Variants in FRMD6 observed in about 807,000 individuals in gnomAD.
FRMD6 encodes FERM domain containing 6.
A neutral mutation model predicts 73.2 loss-of-function variants in FRMD6; 37 were observed. The observed-to-expected ratio is 0.51, with a 90% confidence interval of 0.39 to 0.66. The LOEUF (loss-of-function observed/expected upper bound fraction) is 0.66. Ranked by LOEUF, FRMD6 falls within the 30% of genes least tolerant of loss-of-function variation. The pLI is 0.00. For synonymous variants in FRMD6, 273 were observed against 282.2 expected, an observed-to-expected ratio of 0.97 and a Z score of 0.33; for missense variants, 714 against 780.5, an observed-to-expected ratio of 0.91 and a Z score of 1.02.
At chr14:51,657,735 G>A (rs939052461) in intron 1 of FRMD6, among the ~76,000 whole-genome samples, 2 of 152,180 alleles carry the variant, frequency 1.3e-5, no homozygotes, top group Non-Finnish European at 2.9e-5. Context: ...TTAGAGGTAA[G>A]ATGTGAGAGG....
Position 51,727,988 on chromosome 14 carries a change from C to T in FRMD6, c.1828C>T (p.Leu610=), listed in dbSNP as rs1020337245. 9.9e-6 allele frequency: 16 copies of T among 1,612,602 alleles called. No homozygotes were observed. In the Admixed American group the frequency reaches 1.0e-4, roughly 10 times the overall value. ...CAAAAGAACCAGCAAATACTTTTCT[C>T]TGGATCTCACTCATGATGAAGTTCC... ...PVKRTSKYFS[L]DLTHDEVPEF... The change falls in exon 14 of 14, where the codon CTG becomes TTG. Residue 610 remains leucine, a synonymous_variant. Transcript: ENST00000344768.
intron 1 of FRMD6, among the ~76,000 whole-genome samples, chr14:51,515,443 CTG>C (rs1406102887): frequency 6.6e-6 from 1 of 152,220 alleles, no homozygotes; most frequent in Non-Finnish European, 1.5e-5. Flanking sequence ...TGGCTGGACT[CTG>C]TGTATATATT....
chr14:51,667,529 C>T lies in FRMD6; in HGVS notation c.-147+15533C>T, dbSNP rs369459967. 4.1e-3 allele frequency among the ~76,000 whole-genome samples: 619 copies of T among 152,112 alleles called. 5 individuals carry two copies. Among genetic ancestry groups the T allele is most frequent in the Middle Eastern group, 6.8e-3 (2 of 292 alleles). ...AAGAAAATAGAATTCTATACTTAAC[C>T]CATCTAAATATAGTGGTAAAGTTAA... On this transcript the variant is annotated intron_variant, in intron 1 of 13. Transcript: ENST00000344768.
chr14:51,648,949 A>C (rs1418896035), upstream of FRMD6, among the ~76,000 whole-genome samples: 1 of 152,254 alleles, frequency 6.6e-6, no homozygotes, highest in African/African-American at 2.4e-5. Flanking sequence ...TATTTAGAAA[A>C]ACATCTCATC....
the FRMD6 span, among the ~76,000 whole-genome samples, chr14:51,458,214 A>C: frequency 6.6e-6 from 1 of 152,344 alleles, no homozygotes; most frequent in African/African-American, 2.4e-5. Context: ...ACGAGAGATC[A>C]ATACCAGTTA....
intron 2 of FRMD6, among the ~76,000 whole-genome samples, chr14:51,620,634 T>C (rs1032306212): frequency 6.6e-6 from 1 of 152,200 alleles, no homozygotes; most frequent in Non-Finnish European, 1.5e-5. Flanking sequence ...GAATGTCACC[T>C]TTCCCAAGAA....
intron 1 of FRMD6, among the ~76,000 whole-genome samples, chr14:51,522,622 G>A (rs1885012995): frequency 6.6e-6 from 1 of 152,116 alleles, no homozygotes; most frequent in Non-Finnish European, 1.5e-5. Flanking sequence ...CTGCACCTCA[G>A]CATCATAAAA....
chr14:51,459,295 T>C, the FRMD6 span, among the ~76,000 whole-genome samples: 1 of 152,354 alleles, frequency 6.6e-6, no homozygotes, highest in South Asian at 2.1e-4. Context: ...CTGTAGGCCC[T>C]GGAATCCAAT....
At chr14:51,459,073 C>T in the FRMD6 span, among the ~76,000 whole-genome samples, 4 of 152,330 alleles carry the variant, frequency 2.6e-5, no homozygotes, top group Non-Finnish European at 5.9e-5. Flanking sequence ...AAGTGCTGAA[C>T]GGTGCTAGCA....
At chr14:51,459,272 G>A in the FRMD6 span, among the ~76,000 whole-genome samples, 2 of 152,166 alleles carry the variant, frequency 1.3e-5, no homozygotes, top group Non-Finnish European at 1.5e-5. Context: ...GACCATTGGT[G>A]TCTCTGAAAT....
intron 1 of FRMD6, chr14:51,554,559 GCAT>G (rs1887021556): frequency 6.6e-6 from 1 of 152,142 alleles, no homozygotes; most frequent in South Asian, 2.1e-4. Context: ...GATGAAAATG[GCAT>G]CTGTGGAATC....
chr14:51,709,716 T>A (rs1594768648), intron 7 of FRMD6, among the ~76,000 whole-genome samples: 1 of 152,286 alleles, frequency 6.6e-6, no homozygotes, highest in Non-Finnish European at 1.5e-5. Flanking sequence ...GACACCTCAA[T>A]TGACACAAGA....
chr14:51,694,804 A>T (rs1470373361), intron 2 of FRMD6, among the ~76,000 whole-genome samples: 1 of 152,228 alleles, frequency 6.6e-6, no homozygotes, highest in Non-Finnish European at 1.5e-5. Flanking sequence ...CTGAAGATTA[A>T]AGAACTTGAG....
chr14:51,608,633 C>A (rs1031733046), intron 2 of FRMD6, among the ~76,000 whole-genome samples: 1 of 152,120 alleles, frequency 6.6e-6, no homozygotes, highest in East Asian at 1.9e-4. Context: ...TTTATTCCCC[C>A]TAGCCTGGAT....
chr14:51,419,948 G>C, the FRMD6 span, among the ~76,000 whole-genome samples: 1 of 151,520 alleles, frequency 6.6e-6, no homozygotes, highest in African/African-American at 2.4e-5. Flanking sequence ...CGTTAGGTGT[G>C]GTCATGGGAC....
chr14:51,636,732 T>C (rs1202292742), intron 2 of FRMD6, among the ~76,000 whole-genome samples: 1 of 152,110 alleles, frequency 6.6e-6, no homozygotes, highest in Non-Finnish European at 1.5e-5. Flanking sequence ...CAAGGTAAGG[T>C]GCTTGTTTCC....
rs753977227 is a variant in FRMD6, at chr14:51,702,618, T to C, written c.371+30T>C. 7 of 1,523,286 alleles carry C rather than the reference T, an allele frequency of 4.6e-6. No homozygotes were observed. In the East Asian group the frequency reaches 9.1e-5, roughly 20 times the overall value. The allele number at this position is 1,523,286 out of a possible 1,614,324, so 94.4% of individuals were successfully genotyped here. ...GAGGACAGGGGGTGATTCTAAACGC[T>C]TTTTTTTCCCCCATAGCACTTTTTC... On this transcript the variant is annotated intron_variant, in intron 5 of 13. Coordinates refer to ENST00000344768, the MANE Select transcript of FRMD6 (RefSeq NM_001267046.2).
chr14:51,700,092 A>G (rs1489847756), intron 3 of FRMD6, among the ~76,000 whole-genome samples: 3 of 151,982 alleles, frequency 2.0e-5, no homozygotes, highest in African/African-American at 7.2e-5. Context: ...AAAGTGTAGC[A>G]AAGTGTGCAC....
In FRMD6 at chr14:51,729,104, C is replaced by A. The variant is rs967197258; in HGVS notation, c.*1075C>A. 2.6e-5 allele frequency: 4 copies of A among 152,184 alleles called. No individual in the cohort carries two copies. The East Asian group carries it at 7.7e-4, about 29-fold the overall frequency. The allele number at this position is 152,184 out of a possible 1,614,324, so 9.4% of individuals were successfully genotyped here. ...ATGTAGAGTTCAGAATGACTGTTTT[C>A]TCATGTGCCTTTGGCCATGATTCTC... On this transcript the variant is annotated 3_prime_UTR_variant, in exon 14 of 14. Transcript: ENST00000344768.
Sources: gnomAD v4.1 joint callset for allele counts (sites outside exome capture counted in the v4.1 genomes callset) on GRCh38, gnomAD v4.1.1 for gene constraint, MANE v1.5 for transcripts, NCBI Gene and HGNC (gene_info 2026-07-23, HGNC 2026-07-21) for gene names.